PARP15: variants seen among roughly 807,000 people sequenced by gnomAD.
PARP15 encodes poly(ADP-ribose) polymerase family member 15.
PARP15 carries 50 observed loss-of-function variants against 62.1 expected under a neutral mutation model. The observed-to-expected ratio is 0.81, with a 90% CI of 0.64 to 1.02. The LOEUF (loss-of-function observed/expected upper bound fraction) is 1.02. Ranked by LOEUF, PARP15 falls within the 50% of genes least tolerant of loss-of-function variation. The pLI, the probability that PARP15 is intolerant of heterozygous loss-of-function variation, is 0.00. For missense variants in PARP15, 820 were observed against 826.5 expected (o/e 0.99, Z 0.10); for synonymous variants, 309 against 293.1 (o/e 1.05, Z -0.55).
chr3:122,607,956 T>C (rs550223605), intron 2 of PARP15, among the ~76,000 whole-genome samples: 5 of 152,324 alleles, frequency 3.3e-5, no homozygotes, highest in Admixed American at 6.5e-5. Context: ...CACTCTTTAA[T>C]CTGTCCTCTA....
chr3:122,589,749 G>A (rs1933723393), intron 1 of PARP15, among the ~76,000 whole-genome samples: 2 of 151,918 alleles, frequency 1.3e-5, no homozygotes, highest in Admixed American at 1.3e-4. Context: ...GACTTGTAAG[G>A]GATCTTTATA....
chr3:122,612,522 C>T (rs1306892801), intron 3 of PARP15, among the ~76,000 whole-genome samples: 3 of 151,972 alleles, frequency 2.0e-5, no homozygotes, highest in Admixed American at 6.6e-5. Context: ...CTGCAAGCTC[C>T]GCCTGCCAGG....
At chr3:122,600,952 A>G (rs913910975) in intron 1 of PARP15, among the ~76,000 whole-genome samples, 37 of 149,962 alleles carry the variant, frequency 2.5e-4, no homozygotes, top group African/African-American at 9.1e-4. Context: ...TGATGAACCA[A>G]TGCATTGTTA....
At chr3:122,592,985 A>G (rs1180614707) in intron 1 of PARP15, among the ~76,000 whole-genome samples, 1 of 152,156 alleles carries the variant, frequency 6.6e-6, no homozygotes, top group Non-Finnish European at 1.5e-5. Flanking sequence ...ATTTTTGTAA[A>G]TCATTTTATC....
chr3:122,630,691 ATAAT>A (rs1048332369), intron 9 of PARP15, among the ~76,000 whole-genome samples: 1 of 152,116 alleles, frequency 6.6e-6, no homozygotes, highest in African/African-American at 2.4e-5. Flanking sequence ...AATAATAATA[ATAAT>A]TAATAATAAT....
intron 5 of PARP15, among the ~76,000 whole-genome samples, chr3:122,616,101 C>T (rs1262975462): frequency 6.6e-6 from 1 of 152,112 alleles, no homozygotes; most frequent in Non-Finnish European, 1.5e-5. Context: ...ATAACTAAAC[C>T]GTGCCTGGCA....
intron 6 of PARP15, 60 bp downstream of exon 6, chr3:122,617,224 T>C (rs1936036356): frequency 6.6e-7 from 1 of 1,525,048 alleles, no homozygotes; most frequent in Non-Finnish European, 9.0e-7. Context: ...GAAGGGAAAT[T>C]GTGGCTAATA....
Position 122,610,621 on chromosome 3 carries a change from A to T in PARP15, c.434A>T (p.Glu145Val), listed in dbSNP as rs116662220. 8.0e-4 allele frequency: 1,249 copies of T among 1,551,750 alleles called. 7 individuals are homozygous for T. In the African/African-American group the frequency reaches 0.015, roughly 19 times the overall value. ...KELDDRRRETEEKVGNIFMTS... is the reference protein window; with the variant it reads ...KELDDRRRETVEKVGNIFMTS... ...TTAGATGACAGAAGGCGGGAAACAG[A>T]GGAAAAAGTAGGTAACATATTCATG... Residue 145 changes from glutamate (E) to valine (V), a missense_variant, in exon 3 of 12, where the codon GAG (glutamate) becomes GTG (valine). Around this residue, in one of 3 missense-constraint regions of PARP15, gnomAD observed 731 missense variants for 727.7 expected, o/e 1.00. Coordinates refer to ENST00000464300, the MANE Select transcript of PARP15 (RefSeq NM_001113523.3).
At chr3:122,609,635 G>C (rs61029975) in intron 2 of PARP15, among the ~76,000 whole-genome samples, 34,247 of 151,084 alleles carry the variant, frequency 0.23, 8,217 homozygotes, top group African/African-American at 0.61. Context: ...GAGGCAGAGG[G>C]TGCAGTGAGC....
intron 1 of PARP15, among the ~76,000 whole-genome samples, chr3:122,604,300 T>C (rs1935008888): frequency 6.6e-6 from 1 of 152,222 alleles, no homozygotes; most frequent in South Asian, 2.1e-4. Flanking sequence ...TAAAATTCTA[T>C]GATCGATTAA....
At chr3:122,584,677 A>G (rs1041343392) in intron 1 of PARP15, among the ~76,000 whole-genome samples, 3 of 149,382 alleles carry the variant, frequency 2.0e-5, no homozygotes, top group African/African-American at 7.4e-5. Flanking sequence ...CCCCGGGTTC[A>G]GGCGATTCTC....
chr3:122,624,857 T>C (rs947554594), intron 8 of PARP15, among the ~76,000 whole-genome samples: 1 of 152,178 alleles, frequency 6.6e-6, no homozygotes, highest in Non-Finnish European at 1.5e-5. Context: ...ATTCTTTTTC[T>C]GAGATATGTA....
intron 2 of PARP15, among the ~76,000 whole-genome samples, chr3:122,606,282 A>G (rs191067405): frequency 2.0e-3 from 299 of 152,258 alleles, no homozygotes; most frequent in Non-Finnish European, 2.4e-3. Context: ...TTAACCACAA[A>G]CAAGAGTTTG....
At chr3:122,621,066 T>C (rs1489314778) in intron 7 of PARP15, among the ~76,000 whole-genome samples, 1 of 152,192 alleles carries the variant, frequency 6.6e-6, no homozygotes. Context: ...GGTTAAGAGC[T>C]ATGGAGACTG....
intron 1 of PARP15, among the ~76,000 whole-genome samples, chr3:122,586,003 A>G (rs1933397608): frequency 6.6e-6 from 1 of 152,222 alleles, no homozygotes; most frequent in South Asian, 2.1e-4. Context: ...ACCTTAGTAC[A>G]GTTAGTTAAA....
intron 1 of PARP15, among the ~76,000 whole-genome samples, chr3:122,591,912 A>G (rs889015026): frequency 6.6e-6 from 1 of 152,216 alleles, no homozygotes; most frequent in Non-Finnish European, 1.5e-5. Flanking sequence ...GCCAATCAGA[A>G]TGGTGATTAT....
At chr3:122,598,442 A>G (rs1412330885) in intron 1 of PARP15, among the ~76,000 whole-genome samples, 1 of 152,058 alleles carries the variant, frequency 6.6e-6, no homozygotes. Context: ...TCTGCTTCTG[A>G]GCCCACTCAC....
chr3:122,600,648 C>T (rs1349448715), intron 1 of PARP15, among the ~76,000 whole-genome samples: 1 of 152,054 alleles, frequency 6.6e-6, no homozygotes, highest in Non-Finnish European at 1.5e-5. Flanking sequence ...TTTTCATAAT[C>T]CCTTTGCAAC....
At chr3:122,597,951 A>G (rs2107498558) in intron 1 of PARP15, among the ~76,000 whole-genome samples, 1 of 152,302 alleles carries the variant, frequency 6.6e-6, no homozygotes, top group Non-Finnish European at 1.5e-5. Context: ...TGCTATGTAA[A>G]TAGTTGTTAT....
Sources: allele counts gnomAD v4.1 joint callset (sites outside exome capture counted in the v4.1 genomes callset), GRCh38; gene constraint gnomAD v4.1.1; regional missense constraint gnomAD v4.1.1; transcripts MANE v1.5; gene names NCBI Gene and HGNC (gene_info 2026-07-23, HGNC 2026-07-21).